Variants in SPCS2 observed in about 807,000 individuals in gnomAD.
SPCS2 encodes the protein SPase 25 kDa subunit.
In SPCS2, 3 loss-of-function variants were observed where a neutral mutation model predicts 22.3. That is an observed-to-expected ratio of 0.13 (90% CI 0.06 to 0.35). SPCS2 has a LOEUF of 0.35. Ranked by LOEUF, SPCS2 falls within the 10% of genes least tolerant of loss-of-function variation. SPCS2 has a pLI of 1.00. For synonymous variants in SPCS2, 67 were observed against 97.2 expected (o/e 0.69, Z 1.83); for missense variants, 169 against 280.9 (o/e 0.60, Z 2.85).
At chr11:74,957,358 A>AAC (rs1948485954) in intron 1 of SPCS2, among the ~76,000 whole-genome samples, 1 of 152,234 alleles carries the variant, frequency 6.6e-6, no homozygotes, top group Non-Finnish European at 1.5e-5. Flanking sequence ...TCCAGGCAGT[A>AAC]GGAGATGGAT....
intron 1 of SPCS2, among the ~76,000 whole-genome samples, chr11:74,951,538 C>T (rs1948445403): frequency 6.6e-6 from 1 of 152,022 alleles, no homozygotes; most frequent in African/African-American, 2.4e-5. Context: ...CGGCCGGGCG[C>T]AGTGGCTCAC....
In SPCS2 at chr11:74,977,563, G is replaced by T. The variant is rs1948622226; in HGVS notation, c.*520G>T. 1 of 152,396 alleles carries T rather than the reference G, an allele frequency of 6.6e-6. No individual in the cohort carries two copies. Among genetic ancestry groups the T allele is most frequent in the African/African-American group, 2.4e-5 (1 of 41,356 alleles). 9.4% of individuals were successfully genotyped at this position (152,396 alleles called of 1,614,324 possible). ...TAAAAAACACATAGCTTTTTAATTT[G>T]TTTGAAACAGACTTTCTGCCTGTTA... On this transcript the variant is annotated 3_prime_UTR_variant, in exon 5 of 5. Coordinates refer to ENST00000263672, the MANE Select transcript of SPCS2 (RefSeq NM_014752.3).
intron 4 of SPCS2, among the ~76,000 whole-genome samples, chr11:74,972,576 A>T (rs1481991649): frequency 2.0e-5 from 3 of 152,018 alleles, no homozygotes; most frequent in African/African-American, 7.2e-5. Context: ...CTGGCGTGGC[A>T]TGTTTTGTTA....
intron 1 of SPCS2, among the ~76,000 whole-genome samples, chr11:74,956,573 A>G (rs1948480147): frequency 6.6e-6 from 1 of 152,050 alleles, no homozygotes; most frequent in Admixed American, 6.6e-5. Context: ...GACCACTCCT[A>G]CCTAGAGAGC....
chr11:74,966,336 T>C (rs1413127633), intron 3 of SPCS2, among the ~76,000 whole-genome samples: 1 of 152,202 alleles, frequency 6.6e-6, no homozygotes, highest in Non-Finnish European at 1.5e-5. Context: ...TAAGTTTACT[T>C]GAAGCTGAGG....
At chr11:74,954,544 T>G (rs558593756) in intron 1 of SPCS2, among the ~76,000 whole-genome samples, 1 of 152,322 alleles carries the variant, frequency 6.6e-6, no homozygotes, top group Admixed American at 6.5e-5. Flanking sequence ...GAAGATATCT[T>G]AGCTTGTCAG....
rs372017116 is a variant in SPCS2 at position 74,969,628 on chromosome 11, C to T, written c.423C>T (p.Leu141=). 6.8e-5 allele frequency: 109 copies of T among 1,612,856 alleles called. No individual in the cohort carries two copies. In the African/African-American group the frequency reaches 1.2e-3, roughly 18 times the overall value. ...CATATAAGGAGAAGAGCATCTTTCT[C>T]GTGGCCCACAGGAAAGATCCTACAG... The part of the protein sequence containing the change: ...YTSYKEKSIF[L]VAHRKDPTGM... Residue 141 remains leucine (L), a synonymous_variant, in exon 4 of 5, where the codon CTC becomes CTT. Transcript: ENST00000263672.
intron 1 of SPCS2, among the ~76,000 whole-genome samples, chr11:74,953,254 G>A (rs182879018): frequency 7.3e-5 from 11 of 149,958 alleles, no homozygotes; most frequent in South Asian, 4.2e-4. Flanking sequence ...TCGATTTGTC[G>A]CAATCTCCAC....
At chr11:74,956,284 C>G (rs1948478352) in intron 1 of SPCS2, among the ~76,000 whole-genome samples, 1 of 152,096 alleles carries the variant, frequency 6.6e-6, no homozygotes, top group South Asian at 2.1e-4. Flanking sequence ...CAACCTGGAC[C>G]TTTCCTATAA....
intron 4 of SPCS2, among the ~76,000 whole-genome samples, chr11:74,976,310 T>G (rs963499641): frequency 6.6e-6 from 1 of 152,208 alleles, no homozygotes; most frequent in Admixed American, 6.5e-5. Flanking sequence ...GTACACATCA[T>G]GTCAACAGAT....
intron 1 of SPCS2, among the ~76,000 whole-genome samples, chr11:74,952,871 C>T: frequency 6.6e-6 from 1 of 152,210 alleles, no homozygotes; most frequent in Non-Finnish European, 1.5e-5. Flanking sequence ...CCCTGAATTC[C>T]TCTAGCACTT....
chr11:74,955,000 A>C (rs1456529731), intron 1 of SPCS2, among the ~76,000 whole-genome samples: 1 of 152,220 alleles, frequency 6.6e-6, no homozygotes, highest in African/African-American at 2.4e-5. Context: ...AGAGAAATGC[A>C]AAGTAAAACC....
In SPCS2 at chr11:74,966,428, G is replaced by A. The variant is rs1044363538; in HGVS notation, c.359+505G>A. On this transcript the variant is annotated intron_variant, in intron 3 of 4. Transcript: ENST00000263672. ...ATTAAGAACTTATTCTGGAGCTAGA[G>A]AATATGGGTTTGAAATCCAAGGTAT... 3.3e-5 allele frequency among the ~76,000 whole-genome samples: 5 copies of A among 152,336 alleles called. No individual in the cohort carries two copies. The South Asian group carries it at 8.3e-4, about 25-fold the overall frequency.
chr11:74,957,771 G>C (rs2140215267), intron 1 of SPCS2, among the ~76,000 whole-genome samples: 1 of 152,226 alleles, frequency 6.6e-6, no homozygotes, highest in East Asian at 1.9e-4. Flanking sequence ...AAATTGTAAA[G>C]ACCATTTTTT....
At position 74,978,684 on chromosome 11, in the gene SPCS2, A is replaced by C. The variant is rs1207055648; in HGVS notation, c.*1641A>C. On this transcript the variant is annotated 3_prime_UTR_variant, in exon 5 of 5. Coordinates refer to ENST00000263672, the MANE Select transcript of SPCS2 (RefSeq NM_014752.3). ...AATGCTATGTAAATAGTTATACTGC[A>C]TTGGTTTTTTAATTTATATTTTTTG... The C allele has an allele frequency of 6.6e-6, 1 of 152,160 alleles. No homozygotes were observed. The highest frequency in any genetic ancestry group is 2.4e-5 in the African/African-American group (1 of 41,438). 9.4% of individuals were successfully genotyped at this position (152,160 alleles called of 1,614,324 possible).
At chr11:74,954,241 A>G (rs1000303914) in intron 1 of SPCS2, among the ~76,000 whole-genome samples, 1 of 152,234 alleles carries the variant, frequency 6.6e-6, no homozygotes. Context: ...TGAAACTCAT[A>G]TGATACTTCA....
chr11:74,968,678 A>G (rs1430917869), intron 3 of SPCS2, among the ~76,000 whole-genome samples: 1 of 151,802 alleles, frequency 6.6e-6, no homozygotes, highest in African/African-American at 2.4e-5. Flanking sequence ...ATGTACCACC[A>G]TGCCCAGCTA....
At chr11:74,960,676 C>T (rs918504028) in intron 1 of SPCS2, among the ~76,000 whole-genome samples, 1 of 152,062 alleles carries the variant, frequency 6.6e-6, no homozygotes, top group African/African-American at 2.4e-5. Flanking sequence ...AATGAGAGAG[C>T]ATGGGTTTTG....
Position 74,977,680 on chromosome 11 carries a change from C to T in SPCS2, c.*637C>T, listed in dbSNP as rs1948622898. On this transcript the variant is annotated 3_prime_UTR_variant, in exon 5 of 5. Transcript: ENST00000263672. ...TATATCCCTGTTGATTTGTTTGTGC[C>T]TTTTATTAACTGCCATTTTCTAAAA... 1 of 152,366 alleles carries T rather than the reference C, an allele frequency of 6.6e-6. No homozygotes were observed. Among genetic ancestry groups the T allele is most frequent in the South Asian group, 2.1e-4 (1 of 4,820 alleles). 9.4% of individuals were successfully genotyped at this position (152,366 alleles called of 1,614,324 possible).
Sources: gnomAD v4.1 joint callset for allele counts (sites outside exome capture counted in the v4.1 genomes callset) on GRCh38, gnomAD v4.1.1 for gene constraint, MANE v1.5 for transcripts, NCBI Gene and HGNC (gene_info 2026-07-23, HGNC 2026-07-21) for gene names.